The following ACTN4 variants were observed in gnomAD, a reference collection of about 807,000 sequenced individuals.
The protein encoded by ACTN4 is actinin alpha 4, also known as alpha-actinin-4.
A neutral mutation model predicts 114.2 loss-of-function variants in ACTN4; 18 were observed. The ratio of observed to expected loss-of-function variants is 0.16; its 90% CI spans 0.11 to 0.23. The LOEUF is 0.23. ACTN4 is among the 10% of genes least tolerant of loss of function. The pLI is 1.00. For missense variants in ACTN4, 722 were observed against 1,262.9 expected, an observed-to-expected ratio of 0.57 and a Z score of 6.49; for synonymous variants, 515 against 506.3, an observed-to-expected ratio of 1.02 and a Z score of -0.23.
chr19:38,650,626 G>C (rs943927892), intron 1 of ACTN4, among the ~76,000 whole-genome samples: 5 of 152,180 alleles, frequency 3.3e-5, no homozygotes, highest in Non-Finnish European at 7.3e-5. Context: ...CCTGTTATGG[G>C]GTAGGGATTC....
chr19:38,647,915 G>A lies in ACTN4; in HGVS notation c.162+8G>A. 2 of 1,487,640 alleles carry A rather than the reference G, an allele frequency of 1.3e-6. No homozygotes were observed. The highest frequency in any genetic ancestry group is 1.8e-6 in the Non-Finnish European group (2 of 1,118,046). The allele number at this position is 1,487,640 out of a possible 1,614,324, so 92.2% of individuals were successfully genotyped here. A position where few individuals can be genotyped will look rare whatever the true frequency, so the allele number is the denominator to read the frequency against. On this transcript the variant is annotated splice_region_variant and intron_variant, in intron 1 of 20. Transcript: ENST00000252699. ...GAGAAGCAGCAGCGCAAGGTGCGCG[G>A]CCCGCGGGCCGGACGGGCTGGAGGG...
intron 1 of ACTN4, among the ~76,000 whole-genome samples, chr19:38,695,151 A>G (rs1248561984): frequency 6.6e-6 from 1 of 152,212 alleles, no homozygotes; most frequent in Non-Finnish European, 1.5e-5. Flanking sequence ...CTGGGATTAC[A>G]TGGTGTGTGC....
Position 38,724,382 on chromosome 19 carries a change from G to T in ACTN4, c.1875+43G>T. On this transcript the variant is annotated intron_variant, in intron 15 of 20. Transcript: ENST00000252699. This position sits in a 1 kb window ranked among gnomAD's most constrained non-coding sequence, Gnocchi z 7.0. ...GTAGGGGCTGGGGCAGGACGGCGGG[G>T]CTGGGGGCCACCTCCCTGACCGCTC... is the stretch of plus-strand genomic sequence containing the variant. The T allele has an allele frequency of 6.2e-7, 1 of 1,611,760 alleles. No homozygotes were observed. The highest frequency in any genetic ancestry group is 8.5e-7 in the Non-Finnish European group (1 of 1,179,390).
chr19:38,693,030 A>G (rs1223260009), intron 1 of ACTN4, among the ~76,000 whole-genome samples: 3 of 152,092 alleles, frequency 2.0e-5, no homozygotes, highest in African/African-American at 4.8e-5. Flanking sequence ...GTTGCAGTCA[A>G]CCCTGAGCCT....
chr19:38,718,568 C>T (rs1968924801), intron 11 of ACTN4, among the ~76,000 whole-genome samples: 1 of 152,088 alleles, frequency 6.6e-6, no homozygotes, highest in South Asian at 2.1e-4. Flanking sequence ...GCTTTGGATT[C>T]CTTCAGCCCC....
chr19:38,694,840 T>G (rs1968039473), intron 1 of ACTN4, among the ~76,000 whole-genome samples: 1 of 152,128 alleles, frequency 6.6e-6, no homozygotes, highest in East Asian at 1.9e-4. Flanking sequence ...ACCTTTAATA[T>G]GTCATGCCCC....
intron 1 of ACTN4, among the ~76,000 whole-genome samples, chr19:38,671,092 C>T (rs546562593): frequency 1.9e-4 from 29 of 152,044 alleles, no homozygotes; most frequent in East Asian, 1.9e-4. Flanking sequence ...TCACTAGGAG[C>T]GAGAAAATTG....
chr19:38,652,975 A>G (rs1976610252), intron 1 of ACTN4, among the ~76,000 whole-genome samples: 1 of 151,790 alleles, frequency 6.6e-6, no homozygotes, highest in Non-Finnish European at 1.5e-5. Context: ...AATCCCAGCT[A>G]CTTGGGAGGC....
intron 1 of ACTN4, among the ~76,000 whole-genome samples, chr19:38,663,392 G>C (rs922468362): frequency 6.6e-6 from 1 of 152,194 alleles, no homozygotes; most frequent in Admixed American, 6.5e-5. Flanking sequence ...GACCTGGTCC[G>C]TGCTCTCAAA....
At chr19:38,663,514 G>C (rs892668226) in intron 1 of ACTN4, among the ~76,000 whole-genome samples, 7 of 152,222 alleles carry the variant, frequency 4.6e-5, no homozygotes, top group Non-Finnish European at 7.3e-5. Context: ...GAGAGGAAAG[G>C]GGTGAATCAG....
intron 4 of ACTN4, among the ~76,000 whole-genome samples, chr19:38,705,265 G>A (rs1968419269): frequency 6.6e-6 from 1 of 152,158 alleles, no homozygotes; most frequent in East Asian, 1.9e-4. Flanking sequence ...GGACCCTCAC[G>A]CCACCCTCAT....
At chr19:38,653,543 T>C (rs978729355) in intron 1 of ACTN4, among the ~76,000 whole-genome samples, 10 of 152,324 alleles carry the variant, frequency 6.6e-5, no homozygotes, top group African/African-American at 2.4e-4. Flanking sequence ...TCTGAATAGC[T>C]GAAATATCAA....
At chr19:38,672,043 G>A (rs1181589518) in intron 1 of ACTN4, among the ~76,000 whole-genome samples, 2 of 152,078 alleles carry the variant, frequency 1.3e-5, no homozygotes, top group Admixed American at 6.5e-5. Context: ...GAGCTGGGCA[G>A]CGTAGACTTC....
intron 1 of ACTN4, among the ~76,000 whole-genome samples, chr19:38,669,439 C>T (rs1424637758): frequency 6.6e-6 from 1 of 152,192 alleles, no homozygotes; most frequent in Non-Finnish European, 1.5e-5. Flanking sequence ...AGAATTTCTA[C>T]ATTGGAAAGG....
At chr19:38,704,886 C>T in intron 3 of ACTN4, 48 bp from the exon 4 acceptor site, 1 of 1,575,312 alleles carries the variant, frequency 6.3e-7, no homozygotes, top group Admixed American at 1.7e-5. Context: ...AGGAGCCTCA[C>T]TCTGGTTTTA....
intron 5 of ACTN4, among the ~76,000 whole-genome samples, chr19:38,707,197 T>G (rs1003409506): frequency 4.1e-4 from 62 of 152,156 alleles, no homozygotes; most frequent in Admixed American, 3.0e-3. Flanking sequence ...TTCTTTTTTT[T>G]CCTGCCACTA....
rs772880930 is a variant in ACTN4, at chr19:38,710,312, C to T, written c.789C>T (p.Ser263=). The T allele has an allele frequency of 6.2e-6, 10 of 1,613,982 alleles. No individual in the cohort carries two copies. The highest frequency in any genetic ancestry group is 2.2e-5 in the East Asian group (1 of 44,894). ...DEKAIMTYVS[S]FYHAFSGAQK... ...AGGCCATAATGACCTATGTGTCCAG[C>T]TTCTACCATGCCTTTTCAGGAGCGC... The change falls in exon 8 of 21, where the codon AGC becomes AGT. Residue 263 remains serine, a synonymous_variant. Transcript: ENST00000252699.
In ACTN4 at chr19:38,727,634, C is replaced by G. The variant is rs2279147; in HGVS notation, c.2338-312C>G. On this transcript the variant is annotated intron_variant, in intron 18 of 20. Transcript: ENST00000252699. This position sits in a 1 kb window ranked among gnomAD's most constrained non-coding sequence, Gnocchi z 5.4. ...ATCCCAAAGGCAAGGAGAACCCCCC[C>G]CCCGACCCTCCACCAGTCCTGGGAC... 7.1e-5 allele frequency among the ~76,000 whole-genome samples: 10 copies of G among 140,134 alleles called. No homozygotes were observed. Among genetic ancestry groups the G allele is most frequent in the Non-Finnish European group, 1.6e-4 (10 of 63,812 alleles). 91.9% of individuals were successfully genotyped at this position (140,134 alleles called of 152,430 possible).
intron 1 of ACTN4, among the ~76,000 whole-genome samples, chr19:38,656,684 G>A (rs1229480502): frequency 6.6e-6 from 1 of 152,220 alleles, no homozygotes; most frequent in Non-Finnish European, 1.5e-5. Context: ...TGATTGAATG[G>A]GATGCTAGAA....
Sources: allele counts gnomAD v4.1 joint callset (sites outside exome capture counted in the v4.1 genomes callset), GRCh38; gene constraint gnomAD v4.1.1; non-coding constraint Gnocchi (gnomAD v3.1); transcripts MANE v1.5; gene names NCBI Gene and HGNC (gene_info 2026-07-23, HGNC 2026-07-21).